UNC80: variants seen among roughly 807,000 people sequenced by gnomAD.
UNC80 encodes protein unc-80 homolog.
UNC80 carries 164 observed loss-of-function variants against 384.6 expected under a neutral mutation model. That is an observed-to-expected ratio of 0.43 (90% CI 0.38 to 0.49). The LOEUF (loss-of-function observed/expected upper bound fraction) is 0.49. Among genes scored for constraint, UNC80 ranks in the 20% least tolerant of loss-of-function variants. The pLI is 0.00. For synonymous variants in UNC80, 1,486 were observed against 1,527.8 expected (o/e 0.97, Z 0.64); for missense variants, 3,330 against 4,143.0 (o/e 0.80, Z 5.39).
chr2:209,969,279 G>A (rs2092816682), intron 52 of UNC80: 3 of 153,626 alleles, frequency 2.0e-5, no homozygotes, highest in African/African-American at 7.2e-5. Flanking sequence ...GGCCAAGAAA[G>A]AACATTGTTT....
chr2:209,842,158 C>T (rs1382315380), intron 20 of UNC80, among the ~76,000 whole-genome samples, 192 bp from the exon 21 acceptor site: 2 of 152,130 alleles, frequency 1.3e-5, no homozygotes, highest in African/African-American at 2.4e-5. Context: ...CTTTTAGTTA[C>T]AGTGATGTCT....
chr2:209,808,743 T>A (rs1002976288), intron 7 of UNC80: 1 of 237,758 alleles, frequency 4.2e-6, no homozygotes, highest in South Asian at 5.0e-5. Context: ...AGGCTCGGCC[T>A]AGTGAGTGGG....
rs116819665 is a variant in UNC80 at position 209,988,673 on chromosome 2, T to C, written c.9315-3493T>C. 2.6e-3 allele frequency among the ~76,000 whole-genome samples: 393 copies of C among 152,258 alleles called. 1 individual carries two copies. Among genetic ancestry groups the C allele is most frequent in the African/African-American group, 8.7e-3 (361 of 41,530 alleles). On this transcript the variant is annotated intron_variant, in intron 61 of 64. Transcript: ENST00000673920. ...TTATACTGATATAGGAGAGAAGAGG[T>C]CATCTATGTCAGAATTGTTTTCCTA...
intron 29 of UNC80, among the ~76,000 whole-genome samples, chr2:209,911,674 G>A (rs1307386481): frequency 3.3e-5 from 5 of 152,186 alleles, no homozygotes; most frequent in Non-Finnish European, 7.4e-5. Flanking sequence ...GGGAGAAAGT[G>A]TTTCACTGAC....
intron 33 of UNC80, among the ~76,000 whole-genome samples, chr2:209,920,923 G>GT (rs2089987403): frequency 6.6e-6 from 1 of 151,696 alleles, no homozygotes; most frequent in Admixed American, 6.6e-5. Context: ...TGCCTCCTGT[G>GT]TTCAAGCAAT....
At chr2:209,847,398 A>G (rs2082247396) in intron 21 of UNC80, among the ~76,000 whole-genome samples, 1 of 151,908 alleles carries the variant, frequency 6.6e-6, no homozygotes, top group African/African-American at 2.4e-5. Flanking sequence ...TATTAATGCT[A>G]TATAAATACA....
chr2:209,981,602 A>G (rs1028931559), intron 59 of UNC80, among the ~76,000 whole-genome samples: 1 of 152,154 alleles, frequency 6.6e-6, no homozygotes, highest in Non-Finnish European at 1.5e-5. Flanking sequence ...ACAAACCAAA[A>G]CAAAACAAAA....
intron 58 of UNC80, 70 bp from the exon 59 acceptor site, chr2:209,978,459 C>G: frequency 1.5e-6 from 2 of 1,319,426 alleles, no homozygotes; most frequent in Non-Finnish European, 1.0e-6. Context: ...TACAAGTGGT[C>G]AGGGAGGACT....
Position 209,997,940 on chromosome 2 carries a change from A to C in UNC80, c.*2345A>C, listed in dbSNP as rs1436854136. 1 of 152,210 alleles carries C rather than the reference A, an allele frequency of 6.6e-6. No individual in the cohort carries two copies. Among genetic ancestry groups the C allele is most frequent in the Non-Finnish European group, 1.5e-5 (1 of 68,038 alleles). 9.4% of individuals were successfully genotyped at this position (152,210 alleles called of 1,614,324 possible). A position where few individuals can be genotyped will look rare whatever the true frequency, so the allele number is the denominator to read the frequency against. On this transcript the variant is annotated 3_prime_UTR_variant, in exon 65 of 65. Transcript: ENST00000673920. Reference sequence around the variant, plus strand: ...ATACTGTTACCTGGAGTTTGAAAGGAATAACTATTAAAAAAAAAAGTTGGG... The same window carrying C: ...ATACTGTTACCTGGAGTTTGAAAGGCATAACTATTAAAAAAAAAAGTTGGG...
At chr2:209,949,627 G>A (rs921741673) in intron 47 of UNC80, among the ~76,000 whole-genome samples, 2 of 151,896 alleles carry the variant, frequency 1.3e-5, no homozygotes, top group Non-Finnish European at 2.9e-5. Context: ...ACAGGCACCC[G>A]CCACCACACC....
At chr2:209,871,130 A>T (rs1001334649) in intron 22 of UNC80, among the ~76,000 whole-genome samples, 14 of 152,314 alleles carry the variant, frequency 9.2e-5, no homozygotes, top group Non-Finnish European at 1.5e-4. Context: ...ATGTTTATAT[A>T]TTTATGTTTT....
intron 7 of UNC80, among the ~76,000 whole-genome samples, chr2:209,813,190 A>G (rs2079487570): frequency 6.6e-6 from 1 of 152,186 alleles, no homozygotes; most frequent in Admixed American, 6.5e-5. Context: ...ATCTATTTCT[A>G]TAGCTCTCAC....
At chr2:209,821,056 A>G (rs1426071790) in intron 13 of UNC80, among the ~76,000 whole-genome samples, 1 of 152,238 alleles carries the variant, frequency 6.6e-6, no homozygotes, top group Non-Finnish European at 1.5e-5. Flanking sequence ...CTGCCATAAC[A>G]AAATACCATA....
chr2:209,820,196 C>T, intron 12 of UNC80, 115 bp from the exon 13 acceptor site: 1 of 1,360,026 alleles, frequency 7.4e-7, no homozygotes, highest in South Asian at 2.0e-5. Flanking sequence ...TAAATTATTT[C>T]TACCCAATTT....
chr2:209,903,141 A>G (rs568310346), intron 28 of UNC80, among the ~76,000 whole-genome samples: 1 of 151,740 alleles, frequency 6.6e-6, no homozygotes, highest in East Asian at 1.9e-4. Context: ...AGTAGTTATT[A>G]TACTGTATTG....
intron 39 of UNC80, among the ~76,000 whole-genome samples, chr2:209,934,402 A>G (rs2091100496): frequency 6.6e-6 from 1 of 152,200 alleles, no homozygotes; most frequent in Admixed American, 6.5e-5. Flanking sequence ...GGGCTTTATG[A>G]AAAATTGGAA....
chr2:209,775,767 G>T, intron 2 of UNC80, 122 bp from the exon 3 acceptor site: 1 of 918,988 alleles, frequency 1.1e-6, no homozygotes, highest in Non-Finnish European at 1.6e-6. Context: ...CCAGTAATTT[G>T]CATCTTTTAA....
intron 61 of UNC80, among the ~76,000 whole-genome samples, chr2:209,990,197 C>A (rs924747327): frequency 1.3e-5 from 2 of 152,152 alleles, no homozygotes; most frequent in African/African-American, 4.8e-5. Context: ...ACATGCATTT[C>A]TTTTCTTTTC....
chr2:209,956,978 G>T (rs888957477), intron 48 of UNC80, among the ~76,000 whole-genome samples: 26 of 152,134 alleles, frequency 1.7e-4, no homozygotes, highest in Admixed American at 7.9e-4. Context: ...CATAAAAGCA[G>T]TTGCTTTAAA....
Sources: allele counts gnomAD v4.1 joint callset (sites outside exome capture counted in the v4.1 genomes callset), GRCh38; gene constraint gnomAD v4.1.1; transcripts MANE v1.5; gene names NCBI Gene and HGNC (gene_info 2026-07-23, HGNC 2026-07-21).